The following C11orf42 variants were observed in gnomAD, a reference collection of about 807,000 sequenced individuals.
C11orf42 encodes chromosome 11 open reading frame 42, also known as uncharacterized protein C11orf42.
Under a neutral mutation model 27.9 loss-of-function variants are expected in C11orf42, and 24 were observed. The observed-to-expected ratio is 0.86, with a 90% CI of 0.62 to 1.21. The LOEUF (loss-of-function observed/expected upper bound fraction) is 1.21, where lower values mean the gene tolerates loss of function less well. Among genes scored for constraint, C11orf42 ranks in the 50% most tolerant of loss-of-function variants. The pLI, the probability that C11orf42 is intolerant of heterozygous loss-of-function variation, is 0.00. For missense variants in C11orf42, 455 were observed against 424.1 expected (o/e 1.07, Z -0.64); for synonymous variants, 187 against 180.8 (o/e 1.03, Z -0.28).
chr11:6,209,881 T>C lies in C11orf42; in HGVS notation c.104T>C (p.Val35Ala). 1 of 1,595,838 alleles carries C rather than the reference T, an allele frequency of 6.3e-7. No individual in the cohort carries two copies. Among genetic ancestry groups the C allele is most frequent in the Non-Finnish European group, 8.6e-7 (1 of 1,164,914 alleles). ...VIEEHFGPNA[V>A]AVPFLSDAAC... ...GAGGAGCACTTTGGGCCCAATGCAG[T>C]AGCAGTACCTTTCCTGTCAGATGCA... is the stretch of plus-strand genomic sequence containing the variant. Residue 35 changes from valine (V) to alanine (A), a missense_variant, in exon 2 of 3, where the codon GTA becomes GCA. Transcript: ENST00000316375.
chr11:6,205,757 G>A, intron 1 of C11orf42, 70 bp downstream of exon 1: 1 of 1,252,370 alleles, frequency 8.0e-7, no homozygotes, highest in Non-Finnish European at 1.2e-6. Context: ...CAGCTTGTGA[G>A]TAGGAAGGGG....
At chr11:6,209,364 T>C (rs1847015533) in intron 1 of C11orf42, among the ~76,000 whole-genome samples, 1 of 152,016 alleles carries the variant, frequency 6.6e-6, no homozygotes. Context: ...AATATAAAAT[T>C]ATGTGTTCCT....
intron 1 of C11orf42, among the ~76,000 whole-genome samples, chr11:6,207,831 G>C (rs1411933074): frequency 1.3e-5 from 2 of 152,142 alleles, no homozygotes; most frequent in Non-Finnish European, 2.9e-5. Flanking sequence ...TTCCAAAACA[G>C]CTTTGTAGAA....
rs755218539 is a variant in C11orf42, at chr11:6,210,251, C to T, written c.474C>T (p.Ser158=). Residue 158 remains serine (S), a synonymous_variant, in exon 2 of 3, where the codon AGC becomes AGT. Coordinates refer to ENST00000316375, the MANE Select transcript of C11orf42 (RefSeq NM_173525.3). This position sits in a 1 kb window ranked among gnomAD's most constrained non-coding sequence, Gnocchi z 4.0. Reference sequence around the variant, plus strand: ...TTCCCTGGCTCCGAAGCACCCACAGCATCTATGTCATCTACCAGGTCTTCT... The same window carrying T: ...TTCCCTGGCTCCGAAGCACCCACAGTATCTATGTCATCTACCAGGTCTTCT... The part of the protein sequence containing the change: ...QTLPWLRSTH[S]IYVIYQVFSC... 1 of 1,614,130 alleles carries T rather than the reference C, an allele frequency of 6.2e-7. No individual in the cohort carries two copies. The highest frequency in any genetic ancestry group is 1.3e-5 in the African/African-American group (1 of 74,938).
At position 6,211,036 on chromosome 11, in the gene C11orf42, C is replaced by A. The variant is rs146108977; in HGVS notation, c.996C>A (p.Asp332Glu). The A allele has an allele frequency of 5.6e-6, 9 of 1,610,548 alleles. No homozygotes were observed. The highest frequency in any genetic ancestry group is 6.8e-6 in the Non-Finnish European group (8 of 1,178,834). Residue 332 changes from aspartate to glutamate, a missense_variant, in exon 3 of 3, where the codon GAC (aspartate) becomes GAA (glutamate). Coordinates refer to ENST00000316375, the MANE Select transcript of C11orf42 (RefSeq NM_173525.3). ...LQGLSSEFDS[D>E]D ...GTCTATCCTCAGAGTTCGACAGTGA[C>A]GACTGAAGCTGAAGCAAAAGATTCC...
At position 6,210,092 on chromosome 11, in the gene C11orf42, A is replaced by C; in HGVS notation, c.315A>C (p.Arg105=). Residue 105 remains arginine (R), a synonymous_variant, in exon 2 of 3, where the codon CGA becomes CGC. Transcript: ENST00000316375. The surrounding 1 kb of genome is among the most constrained non-coding windows in gnomAD (Gnocchi z 4.0). The stretch of plus-strand genomic sequence containing the variant: ...CTCGGGAATACTCACCAAATGGCCG[A>C]GCAGAGAGAGCCTATGAAGAGACGC... ...HCTREYSPNG[R]AERAYEETRM... 2 of 1,614,228 alleles carry C rather than the reference A, an allele frequency of 1.2e-6. No homozygotes were observed. The highest frequency in any genetic ancestry group is 2.7e-5 in the African/African-American group (2 of 75,064).
In C11orf42 at chr11:6,210,622, T is replaced by A; in HGVS notation, c.845T>A (p.Phe282Tyr). ...TTCTCCTACAAGGGCCGAAACCCCT[T>A]CTGGAGGGGGCCCCAGATACTGTCA... is the stretch of plus-strand genomic sequence containing the variant. ...TRFSYKGRNP[F>Y]WRGPQILSEN... Residue 282 changes from phenylalanine to tyrosine, a missense_variant, in exon 2 of 3, where the codon TTC becomes TAC. Coordinates refer to ENST00000316375, the MANE Select transcript of C11orf42 (RefSeq NM_173525.3). The surrounding 1 kb of genome is among the most constrained non-coding windows in gnomAD (Gnocchi z 4.0). 1 of 1,614,056 alleles carries A rather than the reference T, an allele frequency of 6.2e-7. No homozygotes were observed. The highest frequency in any genetic ancestry group is 8.5e-7 in the Non-Finnish European group (1 of 1,179,982).
chr11:6,209,870 G>A lies in C11orf42; in HGVS notation c.93G>A (p.Gly31=), dbSNP rs146620176. The change falls in exon 2 of 3, where the codon GGG becomes GGA. Residue 31 remains glycine (G), a synonymous_variant. Transcript: ENST00000316375. ...IKDKVIEEHF[G]PNAVAVPFLS... is the part of the protein sequence containing the mutation. Reference sequence around the variant, plus strand: ...TGCAGGTCATCGAGGAGCACTTTGGGCCCAATGCAGTAGCAGTACCTTTCC... The same window carrying A: ...TGCAGGTCATCGAGGAGCACTTTGGACCCAATGCAGTAGCAGTACCTTTCC... 28 of 1,590,718 alleles carry A rather than the reference G, an allele frequency of 1.8e-5. No homozygotes were observed. The highest frequency in any genetic ancestry group is 2.2e-5 in the Non-Finnish European group (26 of 1,161,564).
Position 6,210,240 on chromosome 11 carries a change from A to G in C11orf42, c.463A>G (p.Ser155Gly), listed in dbSNP as rs766467577. 1 of 1,614,196 alleles carries G rather than the reference A, an allele frequency of 6.2e-7. No homozygotes were observed. The highest frequency in any genetic ancestry group is 8.5e-7 in the Non-Finnish European group (1 of 1,180,032). Residue 155 changes from serine (S) to glycine (G), a missense_variant, in exon 2 of 3, where the codon AGC (serine) becomes GGC (glycine). By Grantham distance (56) the Ser-to-Gly change is moderately conservative. Coordinates refer to ENST00000316375, the MANE Select transcript of C11orf42 (RefSeq NM_173525.3). This position sits in a 1 kb window ranked among gnomAD's most constrained non-coding sequence, Gnocchi z 4.0. ...SLQQTLPWLR[S>G]THSIYVIYQV... Reference sequence around the variant, plus strand: ...ACAGCAGACTCTTCCCTGGCTCCGAAGCACCCACAGCATCTATGTCATCTA... The same window carrying G: ...ACAGCAGACTCTTCCCTGGCTCCGAGGCACCCACAGCATCTATGTCATCTA...
In C11orf42 at chr11:6,210,459, C is replaced by G; in HGVS notation, c.682C>G (p.Pro228Ala). 1 of 1,614,118 alleles carries G rather than the reference C, an allele frequency of 6.2e-7. No individual in the cohort carries two copies. Among genetic ancestry groups the G allele is most frequent in the South Asian group, 1.1e-5 (1 of 91,082 alleles). Reference sequence around the variant, plus strand: ...GCCCCATGGGGCCAACTGGGTCAGACCCAACCTCAGCATCATGCCGCCTCT... The same window carrying G: ...GCCCCATGGGGCCAACTGGGTCAGAGCCAACCTCAGCATCATGCCGCCTCT... ...PLPHGANWVR[P>A]NLSIMPPLAP... Residue 228 changes from proline to alanine, a missense_variant, in exon 2 of 3, where the codon CCC becomes GCC. Physicochemically the swap from Pro to Ala is conservative, Grantham distance 27. Transcript: ENST00000316375. The surrounding 1 kb of genome is among the most constrained non-coding windows in gnomAD (Gnocchi z 4.0).
chr11:6,208,348 T>C (rs979612695), intron 1 of C11orf42, among the ~76,000 whole-genome samples: 2 of 152,292 alleles, frequency 1.3e-5, no homozygotes, highest in African/African-American at 2.4e-5. Flanking sequence ...GTAAGAGATA[T>C]GGTATAAGAA....
chr11:6,207,079 C>T (rs922624089), intron 1 of C11orf42, among the ~76,000 whole-genome samples: 3 of 152,172 alleles, frequency 2.0e-5, no homozygotes, highest in African/African-American at 7.2e-5. Context: ...TCCACCATCA[C>T]TTTCCTGGGA....
At position 6,210,500 on chromosome 11, in the gene C11orf42, A is replaced by G. The variant is rs1847040622; in HGVS notation, c.723A>G (p.Ala241=). ...TGCCGCCTCTGGCCCCCACATCAGC[A>G]CCTGCTGATACAACTGAAGCTGCTG... The part of the protein sequence containing the change: ...SIMPPLAPTS[A]PADTTEAADV... Residue 241 remains alanine (A), a synonymous_variant, in exon 2 of 3, where the codon GCA becomes GCG. Coordinates refer to ENST00000316375, the MANE Select transcript of C11orf42 (RefSeq NM_173525.3). The surrounding 1 kb of genome is among the most constrained non-coding windows in gnomAD (Gnocchi z 4.0). The G allele has an allele frequency of 6.2e-7, 1 of 1,613,484 alleles. No homozygotes were observed.
Position 6,210,049 on chromosome 11 carries a change from G to T in C11orf42, c.272G>T (p.Gly91Val). 6.2e-7 allele frequency: 1 copy of T among 1,614,238 alleles called. No homozygotes were observed. Among genetic ancestry groups the T allele is most frequent in the Non-Finnish European group, 8.5e-7 (1 of 1,180,044 alleles). Reference protein sequence around the residue: ...PSLLEQAGSEGAFAHCTREYS... With the variant: ...PSLLEQAGSEVAFAHCTREYS... ...CTCCTGGAGCAGGCAGGATCTGAGG[G>T]TGCCTTCGCCCACTGCACTCGGGAA... The change falls in exon 2 of 3, where the codon GGT becomes GTT. Residue 91 changes from glycine to valine, a missense_variant. Transcript: ENST00000316375. This position sits in a 1 kb window ranked among gnomAD's most constrained non-coding sequence, Gnocchi z 4.0.
rs1182712899 is a variant in C11orf42 at position 6,210,881 on chromosome 11, G to C, written c.872-31G>C. On this transcript the variant is annotated intron_variant, in intron 2 of 2. Transcript: ENST00000316375. This position sits in a 1 kb window ranked among gnomAD's most constrained non-coding sequence, Gnocchi z 4.0. The stretch of plus-strand genomic sequence containing the variant: ...TAGGGGGGGAAAAGACCAGCCATGA[G>C]TCAAGCTGTGACTATCCCCAACCCT... 1.3e-6 allele frequency: 2 copies of C among 1,573,060 alleles called. No homozygotes were observed. The highest frequency in any genetic ancestry group is 1.7e-6 in the Non-Finnish European group (2 of 1,161,944).
Position 6,205,619 on chromosome 11 carries a change from T to C in C11orf42, c.4T>C (p.Leu2=). Residue 2 remains leucine (L), a synonymous_variant, in exon 1 of 3, where the codon TTG becomes CTG. Transcript: ENST00000316375. ...CCAATCCCTCCCATACCCCACCATG[T>C]TGGTGGGTACCCCCAACCTGCTGAC... is the stretch of plus-strand genomic sequence containing the variant. M[L]VGTPNLLTLD... The C allele has an allele frequency of 9.9e-6, 16 of 1,612,770 alleles. No individual in the cohort carries two copies. Among genetic ancestry groups the C allele is most frequent in the Non-Finnish European group, 1.3e-5 (15 of 1,179,038 alleles).
intron 1 of C11orf42, among the ~76,000 whole-genome samples, chr11:6,208,962 C>T (rs954997964): frequency 1.3e-5 from 2 of 151,866 alleles, no homozygotes; most frequent in African/African-American, 4.8e-5. Context: ...ACTGCCTGAG[C>T]TCAGGAGTTC....
At chr11:6,208,518 C>G (rs565294322) in intron 1 of C11orf42, among the ~76,000 whole-genome samples, 9 of 152,266 alleles carry the variant, frequency 5.9e-5, no homozygotes, top group Non-Finnish European at 1.2e-4. Flanking sequence ...CCTCCGCTTC[C>G]CAGGTTCAAG....
intron 1 of C11orf42, among the ~76,000 whole-genome samples, chr11:6,206,760 A>G (rs1042908590): frequency 6.6e-6 from 1 of 152,160 alleles, no homozygotes; most frequent in East Asian, 1.9e-4. Flanking sequence ...GATCAAGCAG[A>G]ATTAGATTGA....
Sources: gnomAD v4.1 joint callset for allele counts (sites outside exome capture counted in the v4.1 genomes callset) on GRCh38, gnomAD v4.1.1 for gene constraint, Gnocchi (gnomAD v3.1) non-coding constraint, MANE v1.5 for transcripts, NCBI Gene and HGNC (gene_info 2026-07-23, HGNC 2026-07-21) for gene names.